Variants in DBH observed in about 807,000 individuals in gnomAD.
The protein encoded by DBH is dopamine beta-hydroxylase, also known as dopamine beta-hydroxylase (dopamine beta-monooxygenase).
In DBH, 49 loss-of-function variants were observed where a neutral mutation model predicts 64.0. That is an observed-to-expected ratio of 0.77 (90% CI 0.61 to 0.97). The LOEUF (loss-of-function observed/expected upper bound fraction) is 0.97. Among genes scored for constraint, DBH ranks in the 50% least tolerant of loss-of-function variants. The pLI is 0.00. For synonymous variants in DBH, 343 were observed against 347.1 expected (o/e 0.99, Z 0.13); for missense variants, 828 against 826.6 (o/e 1.00, Z -0.02).
In DBH at chr9:133,647,980, A is replaced by G. The variant is rs777496601; in HGVS notation, c.1159A>G (p.Thr387Ala). The G allele has an allele frequency of 4.3e-6, 7 of 1,613,420 alleles. No homozygotes were observed. In the South Asian group the frequency reaches 4.4e-5, roughly 10 times the overall value. ...IPPRETAFILTGYCTDKCTQL... is the reference protein window; with the variant it reads ...IPPRETAFILAGYCTDKCTQL... ...ACCACGGGAGACCGCCTTCATCCTC[A>G]CTGGCTACTGCACGGACAAGTGCAC... Residue 387 changes from threonine to alanine, a missense_variant, in exon 6 of 12, where the codon ACT becomes GCT. By Grantham distance (58) the Thr-to-Ala change is moderately conservative (BLOSUM62 0). Transcript: ENST00000393056.
chr9:133,657,253 G>A (rs768020149), intron 11 of DBH, 24 bp downstream of exon 11: 9 of 1,612,936 alleles, frequency 5.6e-6, no homozygotes, highest in Non-Finnish European at 7.6e-6. Flanking sequence ...GGCCCGGGTG[G>A]GGCATGCAGT....
intron 11 of DBH, among the ~76,000 whole-genome samples, chr9:133,657,486 GGAGAGAGAGAGGAGAGA>G (rs1467771942): frequency 4.7e-5 from 7 of 147,836 alleles, no homozygotes; most frequent in Non-Finnish European, 9.0e-5. Context: ...GAGGGAGAGA[GGAGAGAGAGAGGAGAGA>G]GAGAGAGAGA....
chr9:133,656,559 T>C lies in DBH; in HGVS notation c.1471T>C (p.Tyr491His). ...FGILEEMCVN[Y>H]VHYYPQTQLE... ...GATCCTGGAGGAGATGTGTGTCAAC[T>C]ACGTGCACTACTACCCCCAGACGCA... is the stretch of plus-strand genomic sequence containing the variant. Residue 491 changes from tyrosine (Y) to histidine (H), a missense_variant, in exon 10 of 12, where the codon TAC (tyrosine) becomes CAC (histidine). Coordinates refer to ENST00000393056, the MANE Select transcript of DBH (RefSeq NM_000787.4). The C allele has an allele frequency of 6.2e-7, 1 of 1,613,976 alleles. No individual in the cohort carries two copies. Among genetic ancestry groups the C allele is most frequent in the Non-Finnish European group, 8.5e-7 (1 of 1,180,014 alleles).
rs1611129 is a variant in DBH, at chr9:133,648,061, T to C, written c.1191+49T>C. 56,075 of 1,572,630 alleles carry C rather than the reference T, an allele frequency of 0.036. 3,365 individuals carry two copies. Among genetic ancestry groups the C allele is most frequent in the African/African-American group, 0.24 (17,452 of 73,978 alleles). ...TGCACCCTCCCTCCTCCCGCGTCCC[T>C]CAGTGGAGGCCTGGCAGGTCGTGGC... On this transcript the variant is annotated intron_variant, in intron 6 of 11. Transcript: ENST00000393056.
intron 9 of DBH, 148 bp from the exon 10 acceptor site, chr9:133,656,375 G>A: frequency 9.5e-7 from 1 of 1,053,524 alleles, no homozygotes; most frequent in South Asian, 1.4e-5. Context: ...ATTCCTTGAG[G>A]GCAGGGACTC....
chr9:133,656,343 G>C (rs779654177), intron 9 of DBH, 180 bp from the exon 10 acceptor site: 1 of 727,844 alleles, frequency 1.4e-6, no homozygotes, highest in Non-Finnish European at 2.3e-6. Context: ...CTCACTGCCT[G>C]TCTCTCCTGC....
Position 133,658,442 on chromosome 9 carries a change from G to C in DBH, c.1849G>C (p.Gly617Arg). 6 of 1,607,232 alleles carry C rather than the reference G, an allele frequency of 3.7e-6. No individual in the cohort carries two copies. The highest frequency in any genetic ancestry group is 5.1e-6 in the Non-Finnish European group (6 of 1,175,628). ...CGTTGTCAGCATTGGTGGGGGCAAA[G>C]GCTGAGGGGGGACCTACTCCTCCCC... ...PTVVSIGGGK[G>R] Residue 617 changes from glycine to arginine, a missense_variant, in exon 12 of 12, where the codon GGC (glycine) becomes CGC (arginine). Gly to Arg is a moderately radical substitution (Grantham distance 125). Coordinates refer to ENST00000393056, the MANE Select transcript of DBH (RefSeq NM_000787.4).
At chr9:133,649,604 C>T (rs973908662) in intron 6 of DBH, among the ~76,000 whole-genome samples, 53 of 152,336 alleles carry the variant, frequency 3.5e-4, no homozygotes, top group African/African-American at 1.2e-3. Context: ...TGAAGGGAGA[C>T]GGAGCTCTCA....
rs1402054968 is a variant in DBH, at chr9:133,658,359, T to C, written c.1766T>C (p.Leu589Pro). The change falls in exon 12 of 12, where the codon CTG becomes CCG. Residue 589 changes from leucine (L) to proline (P), a missense_variant. Leu to Pro is a moderately conservative substitution (Grantham distance 98). Transcript: ENST00000393056. ...LQPLPKVIST[L>P]EEPTPQCPTS... ...CCCCTGCCCAAGGTCATCTCCACAC[T>C]GGAAGAGCCCACCCCACAGTGCCCC... is the stretch of plus-strand genomic sequence containing the variant. 1.2e-6 allele frequency: 2 copies of C among 1,613,670 alleles called. No individual in the cohort carries two copies. Among genetic ancestry groups the C allele is most frequent in the African/African-American group, 1.3e-5 (1 of 74,848 alleles).
chr9:133,651,469 T>C (rs1436740120), intron 6 of DBH, among the ~76,000 whole-genome samples, 165 bp from the exon 7 acceptor site: 1 of 152,148 alleles, frequency 6.6e-6, no homozygotes, highest in African/African-American at 2.4e-5. Flanking sequence ...CCCCGTGAGG[T>C]TTCTGATGGT....
intron 1 of DBH, among the ~76,000 whole-genome samples, chr9:133,637,284 A>G (rs1832064919): frequency 6.6e-6 from 1 of 152,226 alleles, no homozygotes; most frequent in South Asian, 2.1e-4. Context: ...AACTGTTAGG[A>G]TGGGCTCTTG....
At chr9:133,651,376 G>A (rs1200887298) in intron 6 of DBH, among the ~76,000 whole-genome samples, 2 of 151,664 alleles carry the variant, frequency 1.3e-5, no homozygotes, top group African/African-American at 4.8e-5. Context: ...AGAGGATGAA[G>A]GACTCGGAAA....
rs1333207568 is a variant in DBH at position 133,653,031 on chromosome 9, C to T, written c.1434+32C>T. On this transcript the variant is annotated intron_variant, in intron 9 of 11. Coordinates refer to ENST00000393056, the MANE Select transcript of DBH (RefSeq NM_000787.4). The stretch of plus-strand genomic sequence containing the variant: ...CACCCCCGCTTCCCCCTGCACCTGC[C>T]CAGGGCGAGTGTTCAGCCTGAGCCA... The T allele has an allele frequency of 2.6e-6, 4 of 1,554,514 alleles. No individual in the cohort carries two copies. The Admixed American group carries it at 5.0e-5, about 19-fold the overall frequency.
intron 11 of DBH, 177 bp downstream of exon 11, chr9:133,657,406 GA>G: frequency 5.4e-6 from 3 of 560,164 alleles, no homozygotes; most frequent in Non-Finnish European, 6.2e-6. Context: ...AGCAGAGAGA[GA>G]GGAGAGAGGA....
At chr9:133,641,921 G>A (rs1588347451) in intron 2 of DBH, among the ~76,000 whole-genome samples, 2 of 152,336 alleles carry the variant, frequency 1.3e-5, no homozygotes, top group South Asian at 2.1e-4. Context: ...GGCTCACGGC[G>A]GGCCCAGTAG....
At chr9:133,657,832 G>A (rs1222136372) in intron 11 of DBH, among the ~76,000 whole-genome samples, 1 of 152,200 alleles carries the variant, frequency 6.6e-6, no homozygotes, top group Non-Finnish European at 1.5e-5. Flanking sequence ...TGGAGATCCA[G>A]GAAGATCCTT....
At chr9:133,646,659 G>A (rs895651871) in intron 5 of DBH, among the ~76,000 whole-genome samples, 1 of 144,788 alleles carries the variant, frequency 6.9e-6, no homozygotes, top group African/African-American at 2.7e-5. Context: ...GAGTAGCTGG[G>A]ATTATAGGTG....
At chr9:133,657,395 C>A in intron 11 of DBH, 166 bp downstream of exon 11, 1 of 654,220 alleles carries the variant, frequency 1.5e-6, no homozygotes, top group Non-Finnish European at 2.6e-6. Flanking sequence ...GCCAGCCAGC[C>A]AGCAGAGAGA....
chr9:133,640,045 G>A, intron 2 of DBH, 53 bp downstream of exon 2: 1 of 1,602,852 alleles, frequency 6.2e-7, no homozygotes. Context: ...GTATCATGCT[G>A]CCATCCTGTG....
Sources: gnomAD v4.1 joint callset for allele counts (sites outside exome capture counted in the v4.1 genomes callset) on GRCh38, gnomAD v4.1.1 for gene constraint, MANE v1.5 for transcripts, NCBI Gene and HGNC (gene_info 2026-07-23, HGNC 2026-07-21) for gene names.